Variants in PAPPA observed in about 807,000 individuals in gnomAD.
PAPPA encodes the protein pappalysin-1.
In PAPPA, 60 loss-of-function variants were observed where a neutral mutation model predicts 164.0. That is an observed-to-expected ratio of 0.37 (90% confidence interval 0.30 to 0.45). PAPPA has a LOEUF of 0.45. Ranked by LOEUF, PAPPA falls within the 20% of genes least tolerant of loss-of-function variation. The pLI, the probability that PAPPA is intolerant of heterozygous loss-of-function variation, is 1.00. For synonymous variants in PAPPA, 875 were observed against 814.1 expected (o/e 1.07, Z -1.27); for missense variants, 1,782 against 2,087.3 (o/e 0.85, Z 2.85).
intron 10 of PAPPA, among the ~76,000 whole-genome samples, chr9:116,310,776 A>T (rs1845707146): frequency 6.6e-6 from 1 of 152,102 alleles, no homozygotes; most frequent in African/African-American, 2.4e-5. Flanking sequence ...AAAAAATGAG[A>T]TCTAGGATCA....
chr9:116,325,029 C>G (rs1845904032), intron 10 of PAPPA, among the ~76,000 whole-genome samples: 2 of 152,168 alleles, frequency 1.3e-5, no homozygotes, highest in African/African-American at 2.4e-5. Context: ...TTATGGGGAG[C>G]ATTTTTATGA....
At chr9:116,285,171 C>CTTTTTTTTTTTTTTTTTTTTTTTTT in intron 9 of PAPPA, among the ~76,000 whole-genome samples, 20 of 89,486 alleles carry the variant, frequency 2.2e-4, no homozygotes, top group African/African-American at 2.7e-4. Context: ...TTCTTTCTTT[C>CTTTTTTTTTTTTTTTTTTTTTTTTT]TTTTTTTTTT....
chr9:116,334,019 T>C lies in PAPPA; in HGVS notation c.3398-842T>C, dbSNP rs534245262. Among the ~76,000 whole-genome samples the C allele has an allele frequency of 3.3e-5, 5 of 152,244 alleles. No homozygotes were observed. The East Asian group carries it at 9.7e-4, about 30-fold the overall frequency. On this transcript the variant is annotated intron_variant, in intron 12 of 21. Coordinates refer to ENST00000328252, the MANE Select transcript of PAPPA (RefSeq NM_002581.5). ...CAGGACATGGTTAGGATTATACCAT[T>C]TTTTGGATGTGAAAACTGAGTTTTA...
intron 1 of PAPPA, among the ~76,000 whole-genome samples, chr9:116,166,745 A>G (rs1423069601): frequency 6.6e-6 from 1 of 152,176 alleles, no homozygotes; most frequent in East Asian, 1.9e-4. Context: ...TGAAGTACCA[A>G]TTGCTAATGG....
intron 4 of PAPPA, among the ~76,000 whole-genome samples, chr9:116,218,243 T>C (rs569107037): frequency 5.9e-5 from 9 of 152,324 alleles, no homozygotes; most frequent in African/African-American, 1.9e-4. Context: ...AGCTTCTGCA[T>C]AGAACCTCCC....
chr9:116,395,996 C>T (rs188119365), intron 21 of PAPPA, among the ~76,000 whole-genome samples: 84 of 152,222 alleles, frequency 5.5e-4, no homozygotes, highest in African/African-American at 1.5e-3. Flanking sequence ...CTACAGTGCA[C>T]GACAATTTTC....
At chr9:116,384,275 AATAATAAT>A (rs966264939) in intron 21 of PAPPA, among the ~76,000 whole-genome samples, 7 of 146,392 alleles carry the variant, frequency 4.8e-5, no homozygotes, top group African/African-American at 1.7e-4. Flanking sequence ...CGTAATTAAT[AATAATAAT>A]AATAATAATA....
At chr9:116,375,742 G>A (rs539190608) in intron 19 of PAPPA, among the ~76,000 whole-genome samples, 4 of 152,184 alleles carry the variant, frequency 2.6e-5, no homozygotes, top group African/African-American at 9.6e-5. Flanking sequence ...TACCATATAG[G>A]TCTGCCCTCA....
chr9:116,305,352 T>C (rs1845632612), intron 10 of PAPPA, among the ~76,000 whole-genome samples: 3 of 152,024 alleles, frequency 2.0e-5, no homozygotes. Flanking sequence ...TGTTGATAGC[T>C]TGAGAGGAGG....
intron 9 of PAPPA, among the ~76,000 whole-genome samples, chr9:116,282,099 C>A (rs1221908876): frequency 6.6e-6 from 1 of 152,216 alleles, no homozygotes; most frequent in Non-Finnish European, 1.5e-5. Context: ...CCCTCAGTAT[C>A]CTTGGGCGAT....
intron 9 of PAPPA, among the ~76,000 whole-genome samples, chr9:116,298,742 T>A (rs1384476925): frequency 3.3e-5 from 5 of 152,208 alleles, no homozygotes; most frequent in African/African-American, 1.2e-4. Flanking sequence ...TATAAAAGTG[T>A]GTATGTGTGC....
intron 13 of PAPPA, among the ~76,000 whole-genome samples, chr9:116,340,065 C>CCTGCATT (rs1488550055): frequency 1.3e-5 from 2 of 152,344 alleles, no homozygotes; most frequent in East Asian, 3.9e-4. Context: ...TATAGAATTA[C>CCTGCATT]CTGCATTCTT....
chr9:116,310,319 A>G (rs931435182), intron 10 of PAPPA, among the ~76,000 whole-genome samples: 1 of 152,192 alleles, frequency 6.6e-6, no homozygotes, highest in Non-Finnish European at 1.5e-5. Flanking sequence ...AATTTCAGAG[A>G]CAATTCCAAG....
chr9:116,317,447 A>G (rs988701697), intron 10 of PAPPA, among the ~76,000 whole-genome samples: 28 of 152,192 alleles, frequency 1.8e-4, no homozygotes, highest in African/African-American at 6.8e-4. Flanking sequence ...GGAGATGTCC[A>G]TATTTTAGTG....
chr9:116,319,194 C>A (rs1386498939), intron 10 of PAPPA, among the ~76,000 whole-genome samples: 1 of 152,170 alleles, frequency 6.6e-6, no homozygotes, highest in Non-Finnish European at 1.5e-5. Context: ...CTGCGGAGGG[C>A]CCGTGTGAAA....
At chr9:116,289,357 G>GCCATATATATAGCATATATATA (rs1564212428) in intron 9 of PAPPA, among the ~76,000 whole-genome samples, 2 of 108,498 alleles carry the variant, frequency 1.8e-5, no homozygotes, top group East Asian at 2.6e-4. Flanking sequence ...GCATATATAT[G>GCCATATATATAGCATATATATA]GCATATATAT....
chr9:116,258,916 C>T (rs1844968037), intron 7 of PAPPA, among the ~76,000 whole-genome samples: 1 of 152,068 alleles, frequency 6.6e-6, no homozygotes, highest in African/African-American at 2.4e-5. Flanking sequence ...GGTGGATCAC[C>T]TGAGGTCAGG....
intron 9 of PAPPA, among the ~76,000 whole-genome samples, chr9:116,284,882 C>T (rs79073439): frequency 0.011 from 1,722 of 152,232 alleles, 26 homozygotes; most frequent in African/African-American, 0.038. Context: ...CTGAGGCCCT[C>T]TTCAGCTCCT....
chr9:116,285,220 AG>A (rs1417617604), intron 9 of PAPPA, among the ~76,000 whole-genome samples: 1 of 117,246 alleles, frequency 8.5e-6, no homozygotes, highest in African/African-American at 3.4e-5. Context: ...GCCAGGCCAG[AG>A]TGCAGTGGCA....
Sources: allele counts gnomAD v4.1 joint callset (sites outside exome capture counted in the v4.1 genomes callset), GRCh38; gene constraint gnomAD v4.1.1; transcripts MANE v1.5; gene names NCBI Gene and HGNC (gene_info 2026-07-23, HGNC 2026-07-21).